The following SAMD5 variants were observed in gnomAD, a reference collection of about 807,000 sequenced individuals.
The protein encoded by SAMD5 is sterile alpha motif domain containing 5, also known as sterile alpha motif domain-containing protein 5.
Under a neutral mutation model 11.3 loss-of-function variants are expected in SAMD5, and 13 were observed. The ratio of observed to expected loss-of-function variants is 1.15; its 90% CI spans 0.75 to 1.83. SAMD5 has a LOEUF of 1.83. Ranked by LOEUF, SAMD5 falls within the 40% of genes most tolerant of loss-of-function variation. SAMD5 has a pLI of 0.00. For missense variants in SAMD5, 255 were observed against 239.1 expected (o/e 1.07, Z -0.44); for synonymous variants, 129 against 111.3 (o/e 1.16, Z -1.00).
the SAMD5 span, among the ~76,000 whole-genome samples, chr6:147,885,684 C>T: frequency 6.6e-6 from 1 of 151,928 alleles, no homozygotes; most frequent in Non-Finnish European, 1.5e-5. Context: ...AAAACACTAC[C>T]CAGGTTAAAT....
Position 147,702,619 on chromosome 6 carries a change from A to G in SAMD5, c.163-34698A>G, listed in dbSNP as rs76476373. ...ATTTAGGAGTTCATGTACAAGTGAC[A>G]GGGAAAAATTCACCATTTTGTGGTC... is the stretch of plus-strand genomic sequence containing the variant. On this transcript the variant is annotated intron_variant, in intron 1 of 1. Transcript: ENST00000566741. 2.6e-4 allele frequency among the ~76,000 whole-genome samples: 39 copies of G among 152,358 alleles called. 1 individual carries two copies. In the East Asian group the frequency reaches 6.9e-3, roughly 27 times the overall value.
chr6:147,839,066 A>G, the SAMD5 span, among the ~76,000 whole-genome samples: 22 of 152,234 alleles, frequency 1.4e-4, no homozygotes, highest in Admixed American at 1.4e-3. Context: ...TCTCTGAGAT[A>G]CCATCCACAG....
At chr6:147,761,210 A>C in the SAMD5 span, among the ~76,000 whole-genome samples, 1 of 152,154 alleles carries the variant, frequency 6.6e-6, no homozygotes, top group South Asian at 2.1e-4. Flanking sequence ...TTCAACCTTA[A>C]TATTCTTAAT....
At chr6:147,869,910 C>T in the SAMD5 span, among the ~76,000 whole-genome samples, 1 of 152,048 alleles carries the variant, frequency 6.6e-6, no homozygotes, top group Non-Finnish European at 1.5e-5. Flanking sequence ...GAGACGGGGT[C>T]TCCTTGTATT....
the SAMD5 span, among the ~76,000 whole-genome samples, chr6:147,784,618 T>C: frequency 6.6e-6 from 1 of 152,340 alleles, no homozygotes; most frequent in East Asian, 1.9e-4. Flanking sequence ...TTAGAGATAA[T>C]GTTCCGAATT....
At chr6:147,692,942 TG>T (rs1371792080) in intron 1 of SAMD5, among the ~76,000 whole-genome samples, 2 of 152,166 alleles carry the variant, frequency 1.3e-5, no homozygotes, top group African/African-American at 4.8e-5. Context: ...ATCATCGTAT[TG>T]GGGAGGGAGT....
chr6:147,932,859 G>A, the SAMD5 span, among the ~76,000 whole-genome samples: 16 of 152,114 alleles, frequency 1.1e-4, no homozygotes, highest in Non-Finnish European at 2.2e-4. Flanking sequence ...GATGACTGAT[G>A]TGCTTTTCTT....
the SAMD5 span, among the ~76,000 whole-genome samples, chr6:147,811,012 T>C: frequency 2.0e-5 from 3 of 152,320 alleles, 1 homozygote; most frequent in South Asian, 6.2e-4. Context: ...TGCTATGTGT[T>C]GCTTGCTGTG....
At chr6:147,809,257 C>G in the SAMD5 span, among the ~76,000 whole-genome samples, 1 of 152,016 alleles carries the variant, frequency 6.6e-6, no homozygotes, top group Non-Finnish European at 1.5e-5. Context: ...CAGTGCTTTT[C>G]CTTTATGTGG....
intron 1 of SAMD5, among the ~76,000 whole-genome samples, chr6:147,510,479 G>A (rs1351142056): frequency 1.3e-5 from 2 of 152,146 alleles, no homozygotes; most frequent in African/African-American, 4.8e-5. Context: ...AGAAAATGAT[G>A]GCAAACATAC....
At chr6:147,894,385 G>T in the SAMD5 span, among the ~76,000 whole-genome samples, 4 of 152,068 alleles carry the variant, frequency 2.6e-5, no homozygotes, top group Admixed American at 2.0e-4. Flanking sequence ...GCCTCCCAAA[G>T]TGCTGGGATT....
intron 1 of SAMD5, among the ~76,000 whole-genome samples, chr6:147,670,384 C>A (rs1450987955): frequency 5.3e-5 from 8 of 152,246 alleles, no homozygotes; most frequent in Non-Finnish European, 1.0e-4. Flanking sequence ...TAGTCCCTAA[C>A]AAGAGAATCA....
At chr6:147,643,770 AAGG>A (rs1166122908) in intron 1 of SAMD5, among the ~76,000 whole-genome samples, 1 of 150,862 alleles carries the variant, frequency 6.6e-6, no homozygotes, top group Non-Finnish European at 1.5e-5. Context: ...GGAAGGAAGG[AAGG>A]AAGGAAGGAA....
chr6:147,835,241 A>AAAC, the SAMD5 span, among the ~76,000 whole-genome samples: 1 of 150,634 alleles, frequency 6.6e-6, no homozygotes, highest in African/African-American at 2.5e-5. Flanking sequence ...TTAAAAAAAA[A>AAAC]AAAAACAAAA....
chr6:147,916,568 T>C, the SAMD5 span, among the ~76,000 whole-genome samples: 1 of 152,230 alleles, frequency 6.6e-6, no homozygotes, highest in East Asian at 1.9e-4. Flanking sequence ...ATTTTATTAT[T>C]ATTATACTTT....
chr6:147,887,257 G>A, the SAMD5 span, among the ~76,000 whole-genome samples: 1 of 152,122 alleles, frequency 6.6e-6, no homozygotes, highest in Non-Finnish European at 1.5e-5. Context: ...ACACAACTGT[G>A]AAGCCACCAA....
the SAMD5 span, among the ~76,000 whole-genome samples, chr6:147,778,555 T>A: frequency 6.6e-6 from 1 of 152,182 alleles, no homozygotes; most frequent in African/African-American, 2.4e-5. Flanking sequence ...CTTGGATTCA[T>A]CCCTTCCTTT....
At chr6:147,661,016 C>T (rs543400910) in intron 1 of SAMD5, among the ~76,000 whole-genome samples, 22 of 152,236 alleles carry the variant, frequency 1.4e-4, no homozygotes, top group African/African-American at 4.6e-4. Flanking sequence ...TGAGGTTGTG[C>T]GTAGATTTGT....
intron 1 of SAMD5, among the ~76,000 whole-genome samples, chr6:147,625,983 A>T (rs139560776): frequency 1.6e-4 from 24 of 152,298 alleles, no homozygotes; most frequent in African/African-American, 5.8e-4. Context: ...TGTTAAGGGT[A>T]GCCATGCAAT....
Sources: gnomAD v4.1 joint callset for allele counts (sites outside exome capture counted in the v4.1 genomes callset) on GRCh38, gnomAD v4.1.1 for gene constraint, MANE v1.5 for transcripts, NCBI Gene and HGNC (gene_info 2026-07-23, HGNC 2026-07-21) for gene names.